Variants in IFFO1 observed in about 807,000 individuals in gnomAD.
IFFO1 encodes the protein intermediate filament family orphan 1.
Under a neutral mutation model 59.6 loss-of-function variants are expected in IFFO1, and 42 were observed. The observed-to-expected ratio is 0.70, with a 90% CI of 0.55 to 0.91. The LOEUF is 0.91. Among genes scored for constraint, IFFO1 ranks in the 40% least tolerant of loss-of-function variants. The pLI, the probability that IFFO1 is intolerant of heterozygous loss-of-function variation, is 0.00. For missense variants in IFFO1, 711 were observed against 793.2 expected, an observed-to-expected ratio of 0.90 and a Z score of 1.24; for synonymous variants, 336 against 342.8, an observed-to-expected ratio of 0.98 and a Z score of 0.22.
chr12:6,555,447 T>G lies in IFFO1; in HGVS notation c.583A>C (p.Thr195Pro). Residue 195 changes from threonine to proline, a missense_variant, in exon 1 of 10, where the codon ACC becomes CCC. Thr to Pro is a conservative substitution (Grantham distance 38). Transcript: ENST00000619571. The surrounding 1 kb of genome is among the most constrained non-coding windows in gnomAD (Gnocchi z 8.6). ...YSSSARFMPG[T>P]IWSFSHARRL... ...CGGGCGTGCGAGAACGACCAGATGG[T>G]GCCGGGCATGAAGCGGGCCGACGAG... 1 of 1,613,562 alleles carries G rather than the reference T, an allele frequency of 6.2e-7. No homozygotes were observed. Among genetic ancestry groups the G allele is most frequent in the Non-Finnish European group, 8.5e-7 (1 of 1,179,786 alleles).
rs1230206649 is a variant in IFFO1 at position 6,541,979 on chromosome 12, T to C, written c.1480-337A>G. 8.5e-5 allele frequency among the ~76,000 whole-genome samples: 13 copies of C among 152,146 alleles called. No individual in the cohort carries two copies. The highest frequency in any genetic ancestry group is 8.5e-4 in the Admixed American group (13 of 15,282). On this transcript the variant is annotated intron_variant, in intron 8 of 9. Coordinates refer to ENST00000619571, the MANE Select transcript of IFFO1 (RefSeq NM_001193457.2). The surrounding 1 kb of genome is among the most constrained non-coding windows in gnomAD (Gnocchi z 4.8). ...GCTCCCAGGGCCACACAGGTTCCTA[T>C]GGGGCCCGGCTCACCCCTCATCCCC...
At chr12:6,546,579 G>T (rs866166312) in intron 8 of IFFO1, among the ~76,000 whole-genome samples, 16 of 152,198 alleles carry the variant, frequency 1.1e-4, no homozygotes, top group Non-Finnish European at 2.1e-4. Context: ...CGCCTCCCGG[G>T]TTCACGCCAT....
chr12:6,550,562 GA>G, intron 3 of IFFO1, 132 bp downstream of exon 3: 1 of 652,404 alleles, frequency 1.5e-6, no homozygotes. Flanking sequence ...GTGGCTAGGG[GA>G]AAAAGGGAAG....
chr12:6,541,927 T>C lies in IFFO1; in HGVS notation c.1480-285A>G, dbSNP rs1000495382. Among the ~76,000 whole-genome samples the C allele has an allele frequency of 2.0e-5, 3 of 152,168 alleles. No individual in the cohort carries two copies. Among genetic ancestry groups the C allele is most frequent in the Non-Finnish European group, 4.4e-5 (3 of 68,020 alleles). ...TGATAAGAGTGGTGAGGAAAGTCAG[T>C]GTGGGCGGGATGGAGCAGATCCACA... On this transcript the variant is annotated intron_variant, in intron 8 of 9. Transcript: ENST00000619571. This position sits in a 1 kb window ranked among gnomAD's most constrained non-coding sequence, Gnocchi z 4.8.
rs578039031 is a variant in IFFO1, at chr12:6,540,518, C to A, written c.1681G>T (p.Asp561Tyr). ...GAGCTGTCAGATGAGACATCGCGAT[C>A]GGAGTCCTCAGCCTCGCTTGGCGGC... ...PPPPSEAEDS[D>Y]RDVSSDSSMR Residue 561 changes from aspartate (D) to tyrosine (Y), a missense_variant, in exon 10 of 10, where the codon GAT becomes TAT. By Grantham distance (160) the Asp-to-Tyr change is radical. Around this residue, in one of 3 missense-constraint regions of IFFO1, gnomAD observed 579 missense variants for 650.3 expected, o/e 0.89. Coordinates refer to ENST00000619571, the MANE Select transcript of IFFO1 (RefSeq NM_001193457.2). 1 of 1,613,978 alleles carries A rather than the reference C, an allele frequency of 6.2e-7. No homozygotes were observed. Among genetic ancestry groups the A allele is most frequent in the African/African-American group, 1.3e-5 (1 of 74,944 alleles).
chr12:6,540,701 G>A (rs1200184694), intron 9 of IFFO1, 113 bp from the exon 10 acceptor site: 8 of 926,680 alleles, frequency 8.6e-6, no homozygotes, highest in East Asian at 7.7e-5. Flanking sequence ...TACCGGAAGC[G>A]AGGGCGGGGC....
rs1946660464 is a variant in IFFO1 at position 6,540,569 on chromosome 12, C to T, written c.1630G>A (p.Ala544Thr). 6.2e-7 allele frequency: 1 copy of T among 1,613,652 alleles called. No homozygotes were observed. The highest frequency in any genetic ancestry group is 1.1e-5 in the South Asian group (1 of 91,088). ...SGDRKSPAFT[A>T]VPLSDPPPPP... ...GGCGGCGGGTCGCTAAGCGGGACCGCAGTGAAAGCAGGAGACTTTCTAGAA... is the reference window on the plus strand; with the variant it reads ...GGCGGCGGGTCGCTAAGCGGGACCGTAGTGAAAGCAGGAGACTTTCTAGAA... Residue 544 changes from alanine to threonine, a missense_variant, in exon 10 of 10, where the codon GCG becomes ACG. Ala to Thr is a moderately conservative substitution (Grantham distance 58). Transcript: ENST00000619571.
intron 1 of IFFO1, among the ~76,000 whole-genome samples, chr12:6,553,597 C>T (rs538405377): frequency 2.7e-5 from 4 of 150,478 alleles, no homozygotes; most frequent in South Asian, 2.1e-4. Context: ...GCCTGGACAA[C>T]GCAAAAAGAA....
Position 6,555,351 on chromosome 12 carries a change from C to T in IFFO1, c.679G>A (p.Val227Met), listed in dbSNP as rs903197376. 2 of 1,614,090 alleles carry T rather than the reference C, an allele frequency of 1.2e-6. No individual in the cohort carries two copies. Among genetic ancestry groups the T allele is most frequent in the African/African-American group, 2.7e-5 (2 of 74,928 alleles). ...GTGATGGTGTCGATCTGGACGCCCACCCCATCCGGGTGCACCCACGACAAG... is the reference window on the plus strand; with the variant it reads ...GTGATGGTGTCGATCTGGACGCCCATCCCATCCGGGTGCACCCACGACAAG... Reference protein sequence around the residue: ...PGLSWVHPDGVGVQIDTITPE... With the variant: ...PGLSWVHPDGMGVQIDTITPE... Residue 227 changes from valine to methionine, a missense_variant, in exon 1 of 10, where the codon GTG becomes ATG. Around this residue, in one of 3 missense-constraint regions of IFFO1, gnomAD observed 579 missense variants for 650.3 expected, o/e 0.89. Transcript: ENST00000619571. This position sits in a 1 kb window ranked among gnomAD's most constrained non-coding sequence, Gnocchi z 8.6.
chr12:6,548,243 G>A lies in IFFO1; in HGVS notation c.1384-83C>T, dbSNP rs1333682565. The A allele has an allele frequency of 1.0e-5, 14 of 1,364,348 alleles. No homozygotes were observed. The highest frequency in any genetic ancestry group is 1.4e-5 in the African/African-American group (1 of 69,658). The allele number at this position is 1,364,348 out of a possible 1,614,324, so 84.5% of individuals were successfully genotyped here. A position where few individuals can be genotyped will look rare whatever the true frequency, so the allele number is the denominator to read the frequency against. ...TCCAAAGGGCCAAGTCAGGGAGAGAGAGAGAGAGGAAGTCTGGTTAAAGAA... is the reference window on the plus strand; with the variant it reads ...TCCAAAGGGCCAAGTCAGGGAGAGAAAGAGAGAGGAAGTCTGGTTAAAGAA... On this transcript the variant is annotated intron_variant, in intron 7 of 9. Transcript: ENST00000619571. The surrounding 1 kb of genome is among the most constrained non-coding windows in gnomAD (Gnocchi z 6.1).
At chr12:6,550,548 A>G in intron 3 of IFFO1, 147 bp downstream of exon 3, 1 of 613,648 alleles carries the variant, frequency 1.6e-6, no homozygotes, top group Non-Finnish European at 2.9e-6. Flanking sequence ...CTCTGGAGTT[A>G]GGGGTGGCTA....
chr12:6,541,463 TC>T lies in IFFO1; in HGVS notation c.1610+48del, dbSNP rs772870387. 5 of 1,606,190 alleles carry T rather than the reference TC, an allele frequency of 3.1e-6. No homozygotes were observed. Among genetic ancestry groups the T allele is most frequent in the Non-Finnish European group, 4.2e-6 (5 of 1,178,612 alleles). On this transcript the variant is annotated intron_variant, in intron 9 of 9. Transcript: ENST00000619571. This position sits in a 1 kb window ranked among gnomAD's most constrained non-coding sequence, Gnocchi z 4.8. ...CTCTGGGGCTGTGTTCCAACCTTTC[TC>T]CCCGCTGTGTCCCCCTGGAAGGCCC...
Position 6,540,324 on chromosome 12 carries a change from G to T in IFFO1, c.*159C>A. ...CCAGACACCCCAGAGCCCTGGAGAAGCCAAGACTGAGGGAGAAAGCCTGAG... is the reference window on the plus strand; with the variant it reads ...CCAGACACCCCAGAGCCCTGGAGAATCCAAGACTGAGGGAGAAAGCCTGAG... On this transcript the variant is annotated 3_prime_UTR_variant, in exon 10 of 10. Coordinates refer to ENST00000619571, the MANE Select transcript of IFFO1 (RefSeq NM_001193457.2). The T allele has an allele frequency of 1.5e-6, 1 of 667,850 alleles. No individual in the cohort carries two copies. The highest frequency in any genetic ancestry group is 2.7e-6 in the Non-Finnish European group (1 of 372,956). 41.4% of individuals were successfully genotyped at this position (667,850 alleles called of 1,614,324 possible).
rs898823924 is a variant in IFFO1, at chr12:6,548,650, C to T, written c.1262+18G>A. 4 of 1,614,008 alleles carry T rather than the reference C, an allele frequency of 2.5e-6. No individual in the cohort carries two copies. The African/African-American group carries it at 4.0e-5, about 16-fold the overall frequency. ...TGCTGTGGCGTCGGTGCTGCGGGAG[C>T]ACGGCCTGCGGACTCACAGCTGGTT... On this transcript the variant is annotated intron_variant, in intron 6 of 9. Coordinates refer to ENST00000619571, the MANE Select transcript of IFFO1 (RefSeq NM_001193457.2). The surrounding 1 kb of genome is among the most constrained non-coding windows in gnomAD (Gnocchi z 6.1).
Position 6,548,968 on chromosome 12 carries a change from G to A in IFFO1, c.1081-119C>T. On this transcript the variant is annotated intron_variant, in intron 5 of 9. Coordinates refer to ENST00000619571, the MANE Select transcript of IFFO1 (RefSeq NM_001193457.2). The surrounding 1 kb of genome is among the most constrained non-coding windows in gnomAD (Gnocchi z 6.1). ...GAAGGGGGGGCAGACAGAGAGAAAA[G>A]TCACAGTTACAATGACAGGAACAGA... The A allele has an allele frequency of 1.2e-6, 1 of 832,982 alleles. No individual in the cohort carries two copies. Among genetic ancestry groups the A allele is most frequent in the South Asian group, 1.7e-5 (1 of 58,122 alleles). 51.6% of individuals were successfully genotyped at this position (832,982 alleles called of 1,614,324 possible).
chr12:6,549,364 G>T lies in IFFO1; in HGVS notation c.1080+112C>A. On this transcript the variant is annotated intron_variant, in intron 5 of 9. Transcript: ENST00000619571. The surrounding 1 kb of genome is among the most constrained non-coding windows in gnomAD (Gnocchi z 5.0). ...AAGAGCAAGGAAAAGGGAAAGGGCA[G>T]AAAAAAATCCGTGCTCAAGAGCCCA... 1.9e-6 allele frequency: 2 copies of T among 1,043,740 alleles called. No homozygotes were observed. Among genetic ancestry groups the T allele is most frequent in the Non-Finnish European group, 2.9e-6 (2 of 682,076 alleles). The allele number at this position is 1,043,740 out of a possible 1,614,324, so 64.7% of individuals were successfully genotyped here. A position where few individuals can be genotyped will look rare whatever the true frequency, so the allele number is the denominator to read the frequency against.
rs528681415 is a variant in IFFO1 at position 6,555,888 on chromosome 12, G to A, written c.142C>T (p.Pro48Ser). 1.3e-6 allele frequency: 2 copies of A among 1,585,796 alleles called. No individual in the cohort carries two copies. The highest frequency in any genetic ancestry group is 1.1e-5 in the South Asian group (1 of 89,338). ...GGCCCGGGCGGCGAGTAGGCAGCAG[G>A]GCCGGCCGGCGAGAGAGGCGCCGGG... ...LPPAPLSPAGPAAYSPPGPGP... is the reference protein window; with the variant it reads ...LPPAPLSPAGSAAYSPPGPGP... Residue 48 changes from proline (P) to serine (S), a missense_variant, in exon 1 of 10, where the codon CCT becomes TCT. Physicochemically the swap from Pro to Ser is moderately conservative, Grantham distance 74 (BLOSUM62 -1). Around this residue, in one of 3 missense-constraint regions of IFFO1, gnomAD observed 114 missense variants for 102.4 expected, o/e 1.11. Coordinates refer to ENST00000619571, the MANE Select transcript of IFFO1 (RefSeq NM_001193457.2). This position sits in a 1 kb window ranked among gnomAD's most constrained non-coding sequence, Gnocchi z 8.6.
rs779045834 is a variant in IFFO1, at chr12:6,555,799, G to C, written c.231C>G (p.Leu77=). The C allele has an allele frequency of 7.4e-6, 12 of 1,612,660 alleles. No individual in the cohort carries two copies. The highest frequency in any genetic ancestry group is 1.0e-5 in the Non-Finnish European group (12 of 1,179,328). ...RNDLGSNINV[L]KTLNLRFRCF... ...AGCGGAACCGGAGGTTCAGGGTCTT[G>C]AGCACGTTGATGTTGGAGCCCAGGT... Residue 77 remains leucine, a synonymous_variant, in exon 1 of 10, where the codon CTC becomes CTG. Coordinates refer to ENST00000619571, the MANE Select transcript of IFFO1 (RefSeq NM_001193457.2). This position sits in a 1 kb window ranked among gnomAD's most constrained non-coding sequence, Gnocchi z 8.6.
At position 6,548,760 on chromosome 12, in the gene IFFO1, C is replaced by CGACAGG. The variant is rs1592214676; in HGVS notation, c.1164_1169dup (p.Leu389_Ser390dup). On this transcript the variant is annotated inframe_insertion, in exon 6 of 10. Transcript: ENST00000619571. The surrounding 1 kb of genome is among the most constrained non-coding windows in gnomAD (Gnocchi z 6.1). ...CGGGCTGGCGGGGCCCCTCACTCTC[C>CGACAGG]GACAGGGAGGTGTCCTCCTCGACGG... The CGACAGG allele has an allele frequency of 6.2e-7, 1 of 1,613,936 alleles. No individual in the cohort carries two copies. The highest frequency in any genetic ancestry group is 1.3e-5 in the African/African-American group (1 of 74,936).
Sources: gnomAD v4.1 joint callset for allele counts (sites outside exome capture counted in the v4.1 genomes callset) on GRCh38, gnomAD v4.1.1 for gene constraint, gnomAD v4.1.1 regional missense constraint, Gnocchi (gnomAD v3.1) non-coding constraint, MANE v1.5 for transcripts, NCBI Gene and HGNC (gene_info 2026-07-23, HGNC 2026-07-21) for gene names.